DHX40: variants seen among roughly 807,000 people sequenced by gnomAD.
DHX40 encodes the protein probable ATP-dependent RNA helicase DHX40.
DHX40 carries 28 observed loss-of-function variants against 89.6 expected under a neutral mutation model. The ratio of observed to expected loss-of-function variants is 0.31; its 90% CI spans 0.23 to 0.43. DHX40 has a LOEUF of 0.43. DHX40 is among the 20% of genes least tolerant of loss of function. DHX40 has a pLI of 1.00. For synonymous variants in DHX40, 226 were observed against 283.6 expected, an observed-to-expected ratio of 0.80 and a Z score of 2.04; for missense variants, 457 against 844.0, an observed-to-expected ratio of 0.54 and a Z score of 5.68.
chr17:59,570,271 A>G (rs1203720090), intron 2 of DHX40, among the ~76,000 whole-genome samples: 2 of 127,004 alleles, frequency 1.6e-5, no homozygotes, highest in African/African-American at 3.0e-5. Flanking sequence ...TATAATATAA[A>G]CTGGATTTAT....
intron 8 of DHX40, 64 bp downstream of exon 8, chr17:59,577,429 A>G (rs2048900691): frequency 7.3e-7 from 1 of 1,362,434 alleles, no homozygotes; most frequent in Non-Finnish European, 1.0e-6. Context: ...TTAGCTAAAC[A>G]TTACTGAGTT....
At chr17:59,593,807 CAAAA>C (rs1003512456) in intron 12 of DHX40, among the ~76,000 whole-genome samples, 10 of 151,658 alleles carry the variant, frequency 6.6e-5, no homozygotes, top group East Asian at 1.9e-4. Flanking sequence ...AAAAAAAAAA[CAAAA>C]AAACTTTAAT....
At chr17:59,570,150 TATA>T (rs2048777534) in intron 2 of DHX40, among the ~76,000 whole-genome samples, 1 of 128,504 alleles carries the variant, frequency 7.8e-6, no homozygotes, top group Non-Finnish European at 1.6e-5. Context: ...TTATAAATTA[TATA>T]ATACATATAA....
intron 12 of DHX40, among the ~76,000 whole-genome samples, chr17:59,595,433 G>GA (rs1431303670): frequency 6.6e-6 from 1 of 151,814 alleles, no homozygotes; most frequent in African/African-American, 2.4e-5. Flanking sequence ...GTGACACTTT[G>GA]AAAAAACTCA....
chr17:59,565,900 C>T (rs1275652776), intron 1 of DHX40, 117 bp downstream of exon 1: 3 of 889,258 alleles, frequency 3.4e-6, no homozygotes, highest in Non-Finnish European at 4.7e-6. Context: ...CCGTGGCGTT[C>T]TCCTGGCTTT....
intron 7 of DHX40, among the ~76,000 whole-genome samples, chr17:59,576,606 CATAGATATCT>C (rs1490715242): frequency 6.6e-6 from 1 of 152,120 alleles, no homozygotes; most frequent in Non-Finnish European, 1.5e-5. Context: ...TCTATTGAAG[CATAGATATCT>C]ATTTTAGATT....
chr17:59,567,914 A>G (rs2048730396), intron 2 of DHX40, among the ~76,000 whole-genome samples: 1 of 149,366 alleles, frequency 6.7e-6, no homozygotes, highest in Non-Finnish European at 1.5e-5. Flanking sequence ...CCTGGGAGAC[A>G]GAGTGAGACT....
intron 3 of DHX40, among the ~76,000 whole-genome samples, chr17:59,571,568 T>G (rs1178228682): frequency 1.3e-5 from 2 of 150,976 alleles, no homozygotes; most frequent in East Asian, 3.9e-4. Flanking sequence ...AACCCCCATT[T>G]CTCCCTCCCC....
At chr17:59,570,080 T>TAC (rs3064040) in intron 2 of DHX40, among the ~76,000 whole-genome samples, 3 of 128,758 alleles carry the variant, frequency 2.3e-5, no homozygotes, top group African/African-American at 9.1e-5. Context: ...TAATGTATAT[T>TAC]TATATATAAT....
At chr17:59,589,930 AG>A (rs2049057499) in intron 12 of DHX40, among the ~76,000 whole-genome samples, 1 of 150,902 alleles carries the variant, frequency 6.6e-6, no homozygotes, top group Non-Finnish European at 1.5e-5. Flanking sequence ...CATGTTGGTC[AG>A]GCTGGTCTGG....
intron 2 of DHX40, 69 bp from the exon 3 acceptor site, chr17:59,570,449 A>G: frequency 6.8e-7 from 1 of 1,476,340 alleles, no homozygotes. Context: ...GATTGGCCAA[A>G]AACAATTTAG....
Position 59,567,739 on chromosome 17 carries a change from A to T in DHX40, c.280+945A>T, listed in dbSNP as rs571548175. Reference sequence around the variant, plus strand: ...CAGGAGATCGGGACCATCATGGCTAACACAGTGAAACCCTGTCTCTACTAA... The same window carrying T: ...CAGGAGATCGGGACCATCATGGCTATCACAGTGAAACCCTGTCTCTACTAA... On this transcript the variant is annotated intron_variant, in intron 2 of 17. Coordinates refer to ENST00000251241, the MANE Select transcript of DHX40 (RefSeq NM_024612.5). Among the ~76,000 whole-genome samples, 14 of 151,470 alleles carry T rather than the reference A, an allele frequency of 9.2e-5. No homozygotes were observed. The East Asian group carries it at 2.7e-3, about 29-fold the overall frequency.
chr17:59,594,080 A>C, intron 12 of DHX40, among the ~76,000 whole-genome samples: 1 of 152,218 alleles, frequency 6.6e-6, no homozygotes. Context: ...CGAGGCTCAG[A>C]CATTCCCTCT....
chr17:59,566,707 G>A lies in DHX40; in HGVS notation c.193G>A (p.Ala65Thr). Reference protein sequence around the residue: ...IQKQRKKIIQAVRDNSFLIVT... With the variant: ...IQKQRKKIIQTVRDNSFLIVT... The stretch of plus-strand genomic sequence containing the variant: ...GAAACAAAGAAAAAAGATTATTCAA[G>A]CTGTGAGGGACAATTCATTCCTTAT... The change falls in exon 2 of 18, where the codon GCT becomes ACT. Residue 65 changes from alanine (A) to threonine (T), a missense_variant. This residue lies in a region of DHX40 where 61 missense variants were observed against 100.4 expected (regional missense o/e 0.61). Transcript: ENST00000251241. 1 of 1,606,870 alleles carries A rather than the reference G, an allele frequency of 6.2e-7. No individual in the cohort carries two copies. Among genetic ancestry groups the A allele is most frequent in the East Asian group, 2.2e-5 (1 of 44,572 alleles).
At chr17:59,602,372 T>C in intron 14 of DHX40, 150 bp from the exon 15 acceptor site, 1 of 565,454 alleles carries the variant, frequency 1.8e-6, no homozygotes, top group East Asian at 3.1e-5. Flanking sequence ...TTTTTCCATT[T>C]TTTTGGTTTC....
chr17:59,573,988 A>G, intron 5 of DHX40, 21 bp downstream of exon 5: 1 of 1,306,446 alleles, frequency 7.7e-7, no homozygotes, highest in Non-Finnish European at 1.0e-6. Flanking sequence ...GCATTCATTT[A>G]ATGTCTTTTT....
At chr17:59,587,826 C>T (rs1280501051) in intron 11 of DHX40, 70 bp from the exon 12 acceptor site, 1 of 1,540,682 alleles carries the variant, frequency 6.5e-7, no homozygotes, top group Non-Finnish European at 8.8e-7. Flanking sequence ...CTGATTTATT[C>T]TGAATGATGA....
At chr17:59,594,536 T>G in intron 12 of DHX40, among the ~76,000 whole-genome samples, 1 of 151,506 alleles carries the variant, frequency 6.6e-6, no homozygotes, top group African/African-American at 2.4e-5. Context: ...ATACTGTGGC[T>G]CACTTTGCAT....
At chr17:59,571,832 A>G (rs961708872) in intron 3 of DHX40, among the ~76,000 whole-genome samples, 1 of 151,990 alleles carries the variant, frequency 6.6e-6, no homozygotes, top group Admixed American at 6.5e-5. Context: ...CGGCCTCCCA[A>G]AGTGCTGGGA....
Sources: gnomAD v4.1 joint callset for allele counts (sites outside exome capture counted in the v4.1 genomes callset) on GRCh38, gnomAD v4.1.1 for gene constraint, gnomAD v4.1.1 regional missense constraint, MANE v1.5 for transcripts, NCBI Gene and HGNC (gene_info 2026-07-23, HGNC 2026-07-21) for gene names.